Variants in PDE1A observed in about 807,000 individuals in gnomAD.
PDE1A encodes the protein phosphodiesterase 1A.
PDE1A carries 35 observed loss-of-function variants against 61.7 expected under a neutral mutation model. The ratio of observed to expected loss-of-function variants is 0.57; its 90% CI spans 0.43 to 0.75. The LOEUF is 0.75. Among genes scored for constraint, PDE1A ranks in the 30% least tolerant of loss-of-function variants. The pLI is 0.00. For synonymous variants in PDE1A, 232 were observed against 213.2 expected (o/e 1.09, Z -0.77); for missense variants, 597 against 630.6 (o/e 0.95, Z 0.57).
chr2:182,222,927 C>A (rs1688847326), intron 7 of PDE1A, among the ~76,000 whole-genome samples: 1 of 151,980 alleles, frequency 6.6e-6, no homozygotes, highest in African/African-American at 2.4e-5. Context: ...TTCTCAGATA[C>A]TGACTTCTGT....
chr2:182,613,221 T>C, the PDE1A span, among the ~76,000 whole-genome samples: 2 of 152,276 alleles, frequency 1.3e-5, no homozygotes, highest in South Asian at 2.1e-4. Flanking sequence ...TGAAGAACAA[T>C]TGTCAAGGAT....
chr2:182,200,130 G>T (rs1047865770), intron 10 of PDE1A, among the ~76,000 whole-genome samples: 1 of 152,110 alleles, frequency 6.6e-6, no homozygotes, highest in Non-Finnish European at 1.5e-5. Context: ...AGAAATAAAA[G>T]AACTTCTCTA....
intron 2 of PDE1A, among the ~76,000 whole-genome samples, chr2:182,520,909 A>G (rs1690524558): frequency 6.6e-6 from 1 of 152,020 alleles, no homozygotes; most frequent in Admixed American, 6.6e-5. Context: ...TGATAGGATT[A>G]CTTGTTCCGC....
At chr2:182,502,286 T>C (rs1217016032) in intron 2 of PDE1A, among the ~76,000 whole-genome samples, 3 of 152,046 alleles carry the variant, frequency 2.0e-5, no homozygotes, top group African/African-American at 7.2e-5. Flanking sequence ...AAGACATAAG[T>C]CCCCTTACTG....
At chr2:182,387,144 G>A (rs989877444) in intron 1 of PDE1A, among the ~76,000 whole-genome samples, 1 of 152,198 alleles carries the variant, frequency 6.6e-6, no homozygotes, top group South Asian at 2.1e-4. Context: ...TCTGAAACAT[G>A]TGCTGTGTCC....
intron 3 of PDE1A, among the ~76,000 whole-genome samples, chr2:182,235,189 G>C (rs1483520150): frequency 6.6e-6 from 1 of 152,182 alleles, no homozygotes; most frequent in Non-Finnish European, 1.5e-5. Context: ...TGTTGCCCAA[G>C]CTGGAGTGCA....
chr2:182,451,976 C>CT (rs561317263), intron 2 of PDE1A, among the ~76,000 whole-genome samples: 209 of 146,272 alleles, frequency 1.4e-3, no homozygotes, highest in South Asian at 1.9e-3. Flanking sequence ...GACACATTTT[C>CT]TTTTTTTTTT....
At chr2:182,655,281 T>G in the PDE1A span, among the ~76,000 whole-genome samples, 1 of 152,166 alleles carries the variant, frequency 6.6e-6, no homozygotes, top group South Asian at 2.1e-4. Flanking sequence ...CTCAATACTC[T>G]GTCTAAAGGT....
At chr2:182,642,567 G>A in the PDE1A span, among the ~76,000 whole-genome samples, 1 of 152,130 alleles carries the variant, frequency 6.6e-6, no homozygotes, top group African/African-American at 2.4e-5. Flanking sequence ...GGTGTGCTAT[G>A]GAGGATTAGG....
chr2:182,257,812 G>C (rs1245833838), intron 2 of PDE1A, among the ~76,000 whole-genome samples: 3 of 152,186 alleles, frequency 2.0e-5, no homozygotes, highest in Admixed American at 2.0e-4. Flanking sequence ...TCAGGCATTA[G>C]AGGATGCACC....
At chr2:182,616,507 T>C in the PDE1A span, among the ~76,000 whole-genome samples, 2 of 152,230 alleles carry the variant, frequency 1.3e-5, no homozygotes, top group African/African-American at 2.4e-5. Context: ...ATGACATGCC[T>C]GTCTGCATAC....
intron 2 of PDE1A, among the ~76,000 whole-genome samples, chr2:182,517,768 G>C (rs764977577): frequency 5.3e-5 from 8 of 152,170 alleles, no homozygotes; most frequent in Admixed American, 3.9e-4. Context: ...CTCCTGATAA[G>C]GAAATGCCCT....
At chr2:182,243,297 A>G (rs961839439) in intron 2 of PDE1A, among the ~76,000 whole-genome samples, 11 of 152,330 alleles carry the variant, frequency 7.2e-5, no homozygotes, top group African/African-American at 2.2e-4. Context: ...GAATTATGAT[A>G]TAAGGTTAAT....
At chr2:182,515,127 T>C (rs1056909074) in intron 2 of PDE1A, among the ~76,000 whole-genome samples, 8 of 152,228 alleles carry the variant, frequency 5.3e-5, no homozygotes, top group Non-Finnish European at 1.2e-4. Context: ...GAGGTAGGTA[T>C]CAGTTTTGTC....
At chr2:182,296,167 C>T (rs947071259) in intron 1 of PDE1A, among the ~76,000 whole-genome samples, 2 of 152,158 alleles carry the variant, frequency 1.3e-5, no homozygotes, top group African/African-American at 4.8e-5. Flanking sequence ...GGCCAAAAAA[C>T]ACTAACTTAA....
intron 2 of PDE1A, among the ~76,000 whole-genome samples, chr2:182,243,845 TAA>T (rs1186114517): frequency 1.3e-5 from 2 of 152,178 alleles, no homozygotes; most frequent in Non-Finnish European, 2.9e-5. Context: ...CTCAAAGTCT[TAA>T]TGGTATATTA....
At chr2:182,429,830 C>A (rs1703839404), upstream of PDE1A, among the ~76,000 whole-genome samples, 1 of 152,046 alleles carries the variant, frequency 6.6e-6, no homozygotes, top group Non-Finnish European at 1.5e-5. Context: ...TACACAAGTG[C>A]CAAAGCATGC....
intron 1 of PDE1A, among the ~76,000 whole-genome samples, chr2:182,379,937 C>G (rs946586527): frequency 6.6e-6 from 1 of 152,066 alleles, no homozygotes; most frequent in African/African-American, 2.4e-5. Context: ...CACTTCTGAA[C>G]GTGGCATACA....
the PDE1A span, among the ~76,000 whole-genome samples, chr2:182,700,980 T>G: frequency 6.6e-6 from 1 of 151,898 alleles, no homozygotes; most frequent in Non-Finnish European, 1.5e-5. Flanking sequence ...TTAAAAAAAA[T>G]CTTTCCTGAA....
Sources: gnomAD v4.1 joint callset for allele counts (sites outside exome capture counted in the v4.1 genomes callset) on GRCh38, gnomAD v4.1.1 for gene constraint, MANE v1.5 for transcripts, NCBI Gene and HGNC (gene_info 2026-07-23, HGNC 2026-07-21) for gene names.